Variants in SH2B3 observed in about 807,000 individuals in gnomAD.
SH2B3 encodes SH2B adapter protein 3.
A neutral mutation model predicts 51.9 loss-of-function variants in SH2B3; 43 were observed. The ratio of observed to expected loss-of-function variants is 0.83; its 90% CI spans 0.65 to 1.07. The LOEUF (loss-of-function observed/expected upper bound fraction) is 1.07. SH2B3 is among the 50% of genes least tolerant of loss of function. The pLI is 0.00. For missense variants in SH2B3, 952 were observed against 834.3 expected, an observed-to-expected ratio of 1.14 and a Z score of -1.74; for synonymous variants, 396 against 376.0, an observed-to-expected ratio of 1.05 and a Z score of -0.62.
intron 2 of SH2B3, among the ~76,000 whole-genome samples, chr12:111,419,374 C>T (rs1871358867): frequency 1.4e-5 from 2 of 144,528 alleles, no homozygotes; most frequent in South Asian, 2.2e-4. Flanking sequence ...CAGTGGGTCA[C>T]GCCTGTAACC....
At chr12:111,417,189 C>T (rs1871154089) in intron 1 of SH2B3, among the ~76,000 whole-genome samples, 1 of 152,186 alleles carries the variant, frequency 6.6e-6, no homozygotes, top group Admixed American at 6.5e-5. Context: ...TTTCACTAGT[C>T]TCCAGCTGGT....
Position 111,418,261 on chromosome 12 carries a change from G to A in SH2B3, c.116G>A (p.Arg39Gln), listed in dbSNP as rs778004604. Residue 39 changes from arginine (R) to glutamine (Q), a missense_variant, in exon 2 of 8, where the codon CGG becomes CAG. Coordinates refer to ENST00000341259, the MANE Select transcript of SH2B3 (RefSeq NM_005475.3). The surrounding 1 kb of genome is among the most constrained non-coding windows in gnomAD (Gnocchi z 6.7). ...FCELHAVAAA[R>Q]ELARQYWLFA... ...GAGTTGCACGCCGTAGCGGCGGCCCGGGAGCTGGCCCGCCAGTACTGGCTG... is the reference window on the plus strand; with the variant it reads ...GAGTTGCACGCCGTAGCGGCGGCCCAGGAGCTGGCCCGCCAGTACTGGCTG... 3.9e-6 allele frequency: 6 copies of A among 1,533,414 alleles called. No individual in the cohort carries two copies. The highest frequency in any genetic ancestry group is 2.5e-5 in the East Asian group (1 of 40,530). The allele number at this position is 1,533,414 out of a possible 1,614,324, so 95.0% of individuals were successfully genotyped here. A position where few individuals can be genotyped will look rare whatever the true frequency, so the allele number is the denominator to read the frequency against.
In SH2B3 at chr12:111,406,671, G is replaced by A. The variant is rs1870276059; in HGVS notation, c.-28+394G>A. On this transcript the variant is annotated intron_variant, in intron 1 of 7. Coordinates refer to ENST00000341259, the MANE Select transcript of SH2B3 (RefSeq NM_005475.3). This position sits in a 1 kb window ranked among gnomAD's most constrained non-coding sequence, Gnocchi z 5.7. ...TGAAAGTGAAAGTAGTCAAACTGAG[G>A]CTGTGAGCACAGATGAGCCCTTGGG... Among the ~76,000 whole-genome samples the A allele has an allele frequency of 1.3e-5, 2 of 152,290 alleles. No individual in the cohort carries two copies.
At chr12:111,444,964 C>G (rs1428744275) in intron 2 of SH2B3, 2 of 796,798 alleles carry the variant, frequency 2.5e-6, no homozygotes, top group African/African-American at 3.7e-5. Context: ...TGGGGAAGAA[C>G]CCCTGGGTTG....
rs74163664 is a variant in SH2B3 at position 111,447,182 on chromosome 12, C to T, written c.984C>T (p.Ser328=). The change falls in exon 5 of 8, where the codon TCC becomes TCT. Residue 328 remains serine (S), a synonymous_variant. Transcript: ENST00000341259. The part of the protein sequence containing the change: ...HIPSALEPST[S]SSPRGSTDSL... ...CCTCAGCCCTAGAGCCTAGCACGTC[C>T]AGCTCCCCAAGGGGCAGCACAGATT... 89 of 1,613,836 alleles carry T rather than the reference C, an allele frequency of 5.5e-5. No homozygotes were observed. The highest frequency in any genetic ancestry group is 7.0e-5 in the Non-Finnish European group (82 of 1,179,826).
At chr12:111,426,430 T>C (rs1272712596) in intron 2 of SH2B3, among the ~76,000 whole-genome samples, 1 of 151,090 alleles carries the variant, frequency 6.6e-6, no homozygotes, top group Non-Finnish European at 1.5e-5. Flanking sequence ...TTTGCTATGT[T>C]GCCCAGGCTG....
At chr12:111,440,400 C>T (rs951560281) in intron 2 of SH2B3, among the ~76,000 whole-genome samples, 1 of 152,222 alleles carries the variant, frequency 6.6e-6, no homozygotes, top group African/African-American at 2.4e-5. Flanking sequence ...TTGGTTTCGT[C>T]GTGTCCTTGA....
chr12:111,440,576 T>G (rs1328497988), intron 2 of SH2B3, among the ~76,000 whole-genome samples: 2 of 152,216 alleles, frequency 1.3e-5, no homozygotes, highest in Admixed American at 1.3e-4. Context: ...TGAGCGTCAT[T>G]TCCAGCCACA....
chr12:111,435,100 T>G lies in SH2B3; in HGVS notation c.733-11653T>G. On this transcript the variant is annotated intron_variant, in intron 2 of 7. Transcript: ENST00000341259. The surrounding 1 kb of genome is among the most constrained non-coding windows in gnomAD (Gnocchi z 4.8). ...ATGAGTCCCCTCTCCTCTGGTGCAC[T>G]CTCCCCACCCGAGACGGGCGACAGA... 6.7e-6 allele frequency: 8 copies of G among 1,189,894 alleles called. No homozygotes were observed. The highest frequency in any genetic ancestry group is 9.4e-6 in the Non-Finnish European group (8 of 851,446). The allele number at this position is 1,189,894 out of a possible 1,614,324, so 73.7% of individuals were successfully genotyped here.
In SH2B3 at chr12:111,409,473, G is replaced by A. The variant is rs1047427581; in HGVS notation, c.-28+3196G>A. Among the ~76,000 whole-genome samples, 2 of 152,212 alleles carry A rather than the reference G, an allele frequency of 1.3e-5. No individual in the cohort carries two copies. Among genetic ancestry groups the A allele is most frequent in the Non-Finnish European group, 2.9e-5 (2 of 68,032 alleles). ...CGAGGCAGGGCAGGAAGCCGCTGCC[G>A]TCTGGCAGACCGGAGACGCCTGCCT... On this transcript the variant is annotated intron_variant, in intron 1 of 7. Coordinates refer to ENST00000341259, the MANE Select transcript of SH2B3 (RefSeq NM_005475.3). This position sits in a 1 kb window ranked among gnomAD's most constrained non-coding sequence, Gnocchi z 4.0.
chr12:111,435,134 G>T lies in SH2B3; in HGVS notation c.733-11619G>T. The T allele has an allele frequency of 2.2e-6, 2 of 923,778 alleles. No individual in the cohort carries two copies. Among genetic ancestry groups the T allele is most frequent in the Non-Finnish European group, 3.2e-6 (2 of 621,306 alleles). 57.2% of individuals were successfully genotyped at this position (923,778 alleles called of 1,614,324 possible). A position where few individuals can be genotyped will look rare whatever the true frequency, so the allele number is the denominator to read the frequency against. Reference sequence around the variant, plus strand: ...CCGAGACGGGCGACAGAGGTTTTTTGTTGTTTCTTAACCACATCTTTTTCC... The same window carrying T: ...CCGAGACGGGCGACAGAGGTTTTTTTTTGTTTCTTAACCACATCTTTTTCC... On this transcript the variant is annotated intron_variant, in intron 2 of 7. Transcript: ENST00000341259. This position sits in a 1 kb window ranked among gnomAD's most constrained non-coding sequence, Gnocchi z 4.8.
rs1340458525 is a variant in SH2B3, at chr12:111,438,876, C to T, written c.733-7877C>T. Among the ~76,000 whole-genome samples, 1 of 152,160 alleles carries T rather than the reference C, an allele frequency of 6.6e-6. No individual in the cohort carries two copies. Among genetic ancestry groups the T allele is most frequent in the African/African-American group, 2.4e-5 (1 of 41,434 alleles). ...TGGCACACTGAAGAAGAGTGGAGGC[C>T]AGTGTGGCTGGATCAGAGCGAGGGA... On this transcript the variant is annotated intron_variant, in intron 2 of 7. Coordinates refer to ENST00000341259, the MANE Select transcript of SH2B3 (RefSeq NM_005475.3). The surrounding 1 kb of genome is among the most constrained non-coding windows in gnomAD (Gnocchi z 4.2).
In SH2B3 at chr12:111,418,984, CAG is replaced by C. The variant is rs1452245291; in HGVS notation, c.732+110_732+111del. The C allele has an allele frequency of 1.6e-5, 17 of 1,081,392 alleles. 1 individual carries two copies. The highest frequency in any genetic ancestry group is 3.4e-5 in the East Asian group (1 of 29,804). The allele number at this position is 1,081,392 out of a possible 1,614,324, so 67.0% of individuals were successfully genotyped here. A position where few individuals can be genotyped will look rare whatever the true frequency, so the allele number is the denominator to read the frequency against. On this transcript the variant is annotated intron_variant, in intron 2 of 7. Coordinates refer to ENST00000341259, the MANE Select transcript of SH2B3 (RefSeq NM_005475.3). The surrounding 1 kb of genome is among the most constrained non-coding windows in gnomAD (Gnocchi z 6.7). ...GTGATGGCTTTCCAGCTGGTGGCCACAGAGTGTCCAGAGGGAACTAGGCCCTC... is the reference window on the plus strand; with the variant it reads ...GTGATGGCTTTCCAGCTGGTGGCCACAGTGTCCAGAGGGAACTAGGCCCTC...
chr12:111,446,365 T>C (rs1873955144), intron 2 of SH2B3, among the ~76,000 whole-genome samples: 1 of 152,364 alleles, frequency 6.6e-6, no homozygotes, highest in African/African-American at 2.4e-5. Context: ...AGGCTAGCCA[T>C]GCTAGGCTCT....
rs967974772 is a variant in SH2B3 at position 111,416,483 on chromosome 12, T to G, written c.-27-1636T>G. On this transcript the variant is annotated intron_variant, in intron 1 of 7. Transcript: ENST00000341259. The stretch of plus-strand genomic sequence containing the variant: ...CCATAACTAATAAGTTGTTGCTGGT[T>G]TTTTTTTTGTTTTTTTGTTTTTTGT... Among the ~76,000 whole-genome samples, 12 of 81,778 alleles carry G rather than the reference T, an allele frequency of 1.5e-4. No homozygotes were observed. In the East Asian group the frequency reaches 0.08, roughly 545 times the overall value. The allele number at this position is 81,778 out of a possible 152,430, so 53.6% of individuals were successfully genotyped here. A position where few individuals can be genotyped will look rare whatever the true frequency, so the allele number is the denominator to read the frequency against.
intron 2 of SH2B3, among the ~76,000 whole-genome samples, chr12:111,443,075 G>A (rs973475852): frequency 5.3e-5 from 8 of 152,274 alleles, no homozygotes; most frequent in African/African-American, 1.9e-4. Context: ...AGAAGGGGCA[G>A]TAGGTAGCAA....
At chr12:111,405,511 T>G (rs560443123), upstream of SH2B3, among the ~76,000 whole-genome samples, 5 of 152,234 alleles carry the variant, frequency 3.3e-5, no homozygotes, top group East Asian at 9.7e-4. The surrounding 1 kb of genome is among the most constrained non-coding windows in gnomAD (Gnocchi z 5.4). Flanking sequence ...CCCTCGACCC[T>G]GCCCGCCCTA....
intron 2 of SH2B3, among the ~76,000 whole-genome samples, chr12:111,441,854 T>C (rs1420009619): frequency 1.3e-5 from 2 of 152,180 alleles, no homozygotes; most frequent in African/African-American, 2.4e-5. Flanking sequence ...GAGGGACTCT[T>C]GTCTGTGTTG....
chr12:111,447,737 CA>C lies in SH2B3; in HGVS notation c.1319del (p.His440ProfsTer24). On this transcript the variant is annotated frameshift_variant, in exon 7 of 8. Transcript: ENST00000341259. LOFTEE classifies it high-confidence loss of function. ...HFPSVVDMLHHFQRSPIPLEC... is the reference protein window; with the variant it reads ...HFPSVVDMLHXFQRSPIPLEC... ...TCCCTCGGTCGTGGACATGCTCCAC[CA>C]CTTCCAGCGCTCGCCCATCCCACTC... 1 of 1,614,110 alleles carries C rather than the reference CA, an allele frequency of 6.2e-7. No homozygotes were observed. Among genetic ancestry groups the C allele is most frequent in the Non-Finnish European group, 8.5e-7 (1 of 1,180,024 alleles).
Sources: allele counts gnomAD v4.1 joint callset (sites outside exome capture counted in the v4.1 genomes callset), GRCh38; gene constraint gnomAD v4.1.1; non-coding constraint Gnocchi (gnomAD v3.1); transcripts MANE v1.5; gene names NCBI Gene and HGNC (gene_info 2026-07-23, HGNC 2026-07-21).